The following IL15 variants were observed in gnomAD, a reference collection of about 807,000 sequenced individuals.
IL15 encodes interleukin-15.
IL15 carries 11 observed loss-of-function variants against 19.6 expected under a neutral mutation model. The observed-to-expected ratio is 0.56, with a 90% CI of 0.35 to 0.93. The LOEUF (loss-of-function observed/expected upper bound fraction) is 0.93, where lower values mean the gene tolerates loss of function less well. Ranked by LOEUF, IL15 falls within the 40% of genes least tolerant of loss-of-function variation. The probability of loss-of-function intolerance (pLI) is 0.01; values close to 1 mark genes in which losing one functional copy is unlikely to be tolerated. For missense variants in IL15, 197 were observed against 186.5 expected (o/e 1.06, Z -0.33); for synonymous variants, 58 against 59.6 (o/e 0.97, Z 0.12).
At chr4:141,705,534 G>C (rs1427022766) in intron 2 of IL15, among the ~76,000 whole-genome samples, 2 of 151,950 alleles carry the variant, frequency 1.3e-5, no homozygotes, top group African/African-American at 4.8e-5. Context: ...CCATATGCAG[G>C]TGAGAAGAAT....
rs569048628 is a variant in IL15, at chr4:141,640,536, T to G, written c.-222+3788T>G. Among the ~76,000 whole-genome samples, 3 of 152,304 alleles carry G rather than the reference T, an allele frequency of 2.0e-5. No individual in the cohort carries two copies. In the South Asian group the frequency reaches 6.2e-4, roughly 32 times the overall value. ...CCATTTGGGGTGATTTAATGCTATTTATGAATTTGCCTATGTCAAAGAATA... is the reference window on the plus strand; with the variant it reads ...CCATTTGGGGTGATTTAATGCTATTGATGAATTTGCCTATGTCAAAGAATA... On this transcript the variant is annotated intron_variant, in intron 1 of 7. Transcript: ENST00000320650.
At chr4:141,677,273 C>A (rs533839059) in intron 2 of IL15, among the ~76,000 whole-genome samples, 1 of 152,236 alleles carries the variant, frequency 6.6e-6, no homozygotes, top group East Asian at 1.9e-4. Context: ...AATTTGAAGA[C>A]AATGAGGATG....
chr4:141,719,923 T>A (rs982062866), intron 3 of IL15, among the ~76,000 whole-genome samples: 1 of 152,168 alleles, frequency 6.6e-6, no homozygotes, highest in African/African-American at 2.4e-5. Flanking sequence ...ATAAATGATT[T>A]TCCTAAATCA....
Position 141,733,886 on chromosome 4 carries a change from T to G in IL15, c.*1038T>G, listed in dbSNP as rs764560388. 2.0e-5 allele frequency: 3 copies of G among 152,242 alleles called. No homozygotes were observed. The highest frequency in any genetic ancestry group is 4.4e-5 in the Non-Finnish European group (3 of 68,046). 9.4% of individuals were successfully genotyped at this position (152,242 alleles called of 1,614,324 possible). A position where few individuals can be genotyped will look rare whatever the true frequency, so the allele number is the denominator to read the frequency against. On this transcript the variant is annotated 3_prime_UTR_variant, in exon 8 of 8. Transcript: ENST00000320650. ...TTATCTGACAGAAAATAATTGTTTA[T>G]ATTTTTTGCACTACACTGTCTAAAA...
intron 1 of IL15, among the ~76,000 whole-genome samples, chr4:141,648,867 C>T (rs1208135157): frequency 6.6e-6 from 1 of 152,052 alleles, no homozygotes; most frequent in Non-Finnish European, 1.5e-5. Flanking sequence ...ACCAAAGAGG[C>T]TAACAGCACA....
At chr4:141,649,615 C>G (rs1437781205) in intron 1 of IL15, among the ~76,000 whole-genome samples, 1 of 152,030 alleles carries the variant, frequency 6.6e-6, no homozygotes, top group East Asian at 1.9e-4. Flanking sequence ...TGGGAGAGCT[C>G]AGAAAAGTTG....
intron 1 of IL15, among the ~76,000 whole-genome samples, chr4:141,642,538 G>A (rs1380154107): frequency 6.6e-6 from 1 of 152,174 alleles, no homozygotes; most frequent in Non-Finnish European, 1.5e-5. Flanking sequence ...GCAGTAAAGA[G>A]CCTGGGCTAG....
chr4:141,726,110 G>A (rs1730255150), intron 5 of IL15, among the ~76,000 whole-genome samples: 1 of 152,092 alleles, frequency 6.6e-6, no homozygotes, highest in African/African-American at 2.4e-5. Context: ...ACCTCTTAAA[G>A]CCCCACCTCT....
chr4:141,729,629 A>G (rs943061503), intron 6 of IL15, among the ~76,000 whole-genome samples: 16 of 152,024 alleles, frequency 1.1e-4, no homozygotes, highest in African/African-American at 2.7e-4. Context: ...CTTCTGTACA[A>G]TATTGCCATC....
intron 2 of IL15, among the ~76,000 whole-genome samples, chr4:141,702,804 G>C (rs541552828): frequency 6.6e-6 from 1 of 152,292 alleles, no homozygotes; most frequent in South Asian, 2.1e-4. Context: ...TGATGGACAG[G>C]GCTGTAGAGC....
intron 2 of IL15, among the ~76,000 whole-genome samples, chr4:141,671,256 G>GATA (rs975639111): frequency 3.3e-5 from 5 of 152,012 alleles, no homozygotes; most frequent in African/African-American, 4.8e-5. Context: ...TCTAAGTCCA[G>GATA]ATAATAATAA....
At chr4:141,686,883 G>A (rs1728730375) in intron 2 of IL15, among the ~76,000 whole-genome samples, 2 of 152,036 alleles carry the variant, frequency 1.3e-5, no homozygotes, top group South Asian at 2.1e-4. Context: ...ATTTTTAGAT[G>A]CATACACTCA....
At chr4:141,697,636 C>T (rs778577132) in intron 2 of IL15, among the ~76,000 whole-genome samples, 6 of 152,114 alleles carry the variant, frequency 3.9e-5, no homozygotes, top group Non-Finnish European at 7.4e-5. Context: ...TTCTACCCAT[C>T]CATGAGCATG....
intron 2 of IL15, among the ~76,000 whole-genome samples, chr4:141,710,478 A>T: frequency 6.6e-6 from 1 of 150,634 alleles, no homozygotes; most frequent in Non-Finnish European, 1.5e-5. Context: ...TTTTTGTTTC[A>T]TTTCTTATAA....
chr4:141,673,840 TA>T (rs1276406591), intron 2 of IL15, among the ~76,000 whole-genome samples: 1 of 152,220 alleles, frequency 6.6e-6, no homozygotes, highest in African/African-American at 2.4e-5. Context: ...TCTAGTTTTT[TA>T]TACCATTTCT....
chr4:141,675,292 A>C (rs1202352048), intron 2 of IL15, among the ~76,000 whole-genome samples: 1 of 152,230 alleles, frequency 6.6e-6, no homozygotes, highest in African/African-American at 2.4e-5. Flanking sequence ...ATTAAAAGTT[A>C]AAATGTATCA....
At chr4:141,659,621 G>T (rs1345164774) in intron 2 of IL15, among the ~76,000 whole-genome samples, 1 of 152,212 alleles carries the variant, frequency 6.6e-6, no homozygotes, top group Non-Finnish European at 1.5e-5. Context: ...TAGCAATGTG[G>T]TTGTGAAGTG....
rs115247907 is a variant in IL15, at chr4:141,658,752, A to G, written c.-100+2445A>G. Among the ~76,000 whole-genome samples, 729 of 152,284 alleles carry G rather than the reference A, an allele frequency of 4.8e-3. 3 individuals carry two copies. The highest frequency in any genetic ancestry group is 9.8e-3 in the Admixed American group (150 of 15,290). ...TTTAGTATGAGAAAATAAAATAAAT[A>G]TAAATTCAAAGAAAAAACACGGAAA... On this transcript the variant is annotated intron_variant, in intron 2 of 7. Transcript: ENST00000320650.
chr4:141,701,633 C>A lies in IL15; in HGVS notation c.-99-17733C>A, dbSNP rs78105303. 1.5e-4 allele frequency among the ~76,000 whole-genome samples: 23 copies of A among 152,280 alleles called. No individual in the cohort carries two copies. In the East Asian group the frequency reaches 4.4e-3, roughly 29 times the overall value. On this transcript the variant is annotated intron_variant, in intron 2 of 7. Coordinates refer to ENST00000320650, the MANE Select transcript of IL15 (RefSeq NM_000585.5). ...TAGGAGAGGTAGCCCTTGGTAGTCA[C>A]TGGTTGTAGCTAAGGCAGGTGGGTA...
Sources: gnomAD v4.1 joint callset for allele counts (sites outside exome capture counted in the v4.1 genomes callset) on GRCh38, gnomAD v4.1.1 for gene constraint, MANE v1.5 for transcripts, NCBI Gene and HGNC (gene_info 2026-07-23, HGNC 2026-07-21) for gene names.